Variants in LRBA observed in about 807,000 individuals in gnomAD.
LRBA encodes lipopolysaccharide-responsive and beige-like anchor protein.
In LRBA, 176 loss-of-function variants were observed where a neutral mutation model predicts 330.0. The observed-to-expected ratio is 0.53, with a 90% CI of 0.47 to 0.60. The LOEUF is 0.60. LRBA is among the 20% of genes least tolerant of loss of function. LRBA has a pLI of 0.00. For missense variants in LRBA, 3,259 were observed against 3,444.8 expected (o/e 0.95, Z 1.35); for synonymous variants, 1,230 against 1,193.0 (o/e 1.03, Z -0.64).
intron 48 of LRBA, among the ~76,000 whole-genome samples, chr4:150,341,087 G>C (rs889948149): frequency 4.6e-5 from 7 of 152,144 alleles, no homozygotes; most frequent in Non-Finnish European, 2.9e-5. Context: ...TAGTCCAGTG[G>C]GGAGAGTATG....
chr4:150,979,911 C>G (rs1740645384), intron 2 of LRBA, among the ~76,000 whole-genome samples: 1 of 152,102 alleles, frequency 6.6e-6, no homozygotes, highest in Non-Finnish European at 1.5e-5. Flanking sequence ...GAACTAATAC[C>G]AATCCTACTC....
chr4:150,685,420 A>ATTTTTT (rs70941424), intron 36 of LRBA, among the ~76,000 whole-genome samples: 6 of 17,440 alleles, frequency 3.4e-4, no homozygotes, highest in East Asian at 3.4e-3. Context: ...ATATATATAT[A>ATTTTTT]TTTTTTTTTT....
intron 32 of LRBA, among the ~76,000 whole-genome samples, 154 bp downstream of exon 32, chr4:150,808,166 G>C (rs1047080709): frequency 6.6e-6 from 1 of 152,048 alleles, no homozygotes; most frequent in Non-Finnish European, 1.5e-5. Flanking sequence ...AAAAGAAAAT[G>C]AACTTCTAAA....
intron 17 of LRBA, among the ~76,000 whole-genome samples, chr4:150,887,475 G>A (rs984200175): frequency 3.9e-5 from 6 of 151,958 alleles, no homozygotes; most frequent in Admixed American, 1.3e-4. Context: ...AGAACCGGCC[G>A]GGAGCAGTGG....
chr4:150,442,353 A>G (rs1196927160), intron 44 of LRBA, among the ~76,000 whole-genome samples: 2 of 152,208 alleles, frequency 1.3e-5, no homozygotes, highest in Non-Finnish European at 2.9e-5. Flanking sequence ...ATGCTTAAGC[A>G]TAGTATTTTA....
chr4:150,878,298 C>G (rs1754288989), intron 17 of LRBA, among the ~76,000 whole-genome samples: 1 of 151,916 alleles, frequency 6.6e-6, no homozygotes, highest in Admixed American at 6.6e-5. Flanking sequence ...GAGACTGAGC[C>G]ACTGCACTCC....
At chr4:150,514,792 T>C (rs1186752604) in intron 40 of LRBA, among the ~76,000 whole-genome samples, 1 of 152,198 alleles carries the variant, frequency 6.6e-6, no homozygotes, top group African/African-American at 2.4e-5. Context: ...CCAACTCTCT[T>C]CCATTTCTTC....
chr4:150,439,558 C>G (rs939508165), intron 44 of LRBA, among the ~76,000 whole-genome samples: 1 of 152,048 alleles, frequency 6.6e-6, no homozygotes, highest in African/African-American at 2.4e-5. Flanking sequence ...TATCAGCTTA[C>G]TCAGAGAAGT....
intron 36 of LRBA, among the ~76,000 whole-genome samples, chr4:150,711,189 A>G (rs977305547): frequency 1.3e-5 from 2 of 152,062 alleles, no homozygotes; most frequent in African/African-American, 2.4e-5. Flanking sequence ...GGTTTCAGGT[A>G]TAACATAGGA....
intron 37 of LRBA, among the ~76,000 whole-genome samples, chr4:150,637,561 T>C (rs752052077): frequency 4.7e-4 from 71 of 152,188 alleles, no homozygotes; most frequent in Non-Finnish European, 1.3e-4. Flanking sequence ...ATGACTGTGA[T>C]GTCCATTTTG....
At chr4:150,450,273 G>T (rs1448566750) in intron 44 of LRBA, among the ~76,000 whole-genome samples, 1 of 152,048 alleles carries the variant, frequency 6.6e-6, no homozygotes, top group Admixed American at 6.6e-5. Flanking sequence ...AGTTTCCTAG[G>T]GCTCCTATAA....
At position 150,274,049 on chromosome 4, in the gene LRBA, A is replaced by G. The variant is rs561774787; in HGVS notation, c.8468+3804T>C. Among the ~76,000 whole-genome samples the G allele has an allele frequency of 4.1e-3, 625 of 152,336 alleles. 7 individuals are homozygous for G. Among genetic ancestry groups the G allele is most frequent in the Non-Finnish European group, 3.5e-3 (239 of 68,040 alleles). On this transcript the variant is annotated intron_variant, in intron 56 of 56. Coordinates refer to ENST00000651943, the MANE Select transcript of LRBA (RefSeq NM_001364905.1). Reference sequence around the variant, plus strand: ...CTGCACTTATTCTAAAATTGACCACATAATTGAAAGTAAAACACTCCTCAG... The same window carrying G: ...CTGCACTTATTCTAAAATTGACCACGTAATTGAAAGTAAAACACTCCTCAG...
chr4:150,946,432 A>G (rs1201209), intron 2 of LRBA, among the ~76,000 whole-genome samples: 10,722 of 152,226 alleles, frequency 0.07, 561 homozygotes, highest in South Asian at 0.26. Flanking sequence ...TCTGACCACA[A>G]TGAAATCAAA....
intron 36 of LRBA, among the ~76,000 whole-genome samples, chr4:150,696,190 C>T (rs1784604427): frequency 6.6e-6 from 1 of 152,168 alleles, no homozygotes; most frequent in Non-Finnish European, 1.5e-5. Context: ...AATCAGGCCA[C>T]TGCATTCCTG....
Position 150,831,960 on chromosome 4 carries a change from G to A in LRBA, c.4586C>T (p.Ala1529Val). 6.6e-7 allele frequency: 1 copy of A among 1,520,536 alleles called. No homozygotes were observed. Among genetic ancestry groups the A allele is most frequent in the Non-Finnish European group, 8.9e-7 (1 of 1,127,338 alleles). The allele number at this position is 1,520,536 out of a possible 1,614,324, so 94.2% of individuals were successfully genotyped here. A position where few individuals can be genotyped will look rare whatever the true frequency, so the allele number is the denominator to read the frequency against. The change falls in exon 29 of 57, where the codon GCT (alanine) becomes GTT (valine). Residue 1529 changes from alanine (A) to valine (V), a missense_variant. Ala to Val is a moderately conservative substitution (Grantham distance 64). Transcript: ENST00000651943. ...VFRDIEDSKQ[A>V]QFLALAVVYF... ...TACTACTGCCAAGGCTAAAAATTGA[G>A]CTTGTTTGCTATCCTCCTGGGAAAA... is the stretch of plus-strand genomic sequence containing the variant.
At chr4:150,894,852 G>A (rs1003296565) in intron 16 of LRBA, among the ~76,000 whole-genome samples, 1 of 152,058 alleles carries the variant, frequency 6.6e-6, no homozygotes, top group Non-Finnish European at 1.5e-5. Flanking sequence ...AAATTCACCT[G>A]AAAACTTCAA....
At chr4:150,375,078 G>C (rs1741047558) in intron 47 of LRBA, among the ~76,000 whole-genome samples, 1 of 19,734 alleles carries the variant, frequency 5.1e-5, no homozygotes, top group African/African-American at 1.2e-4. Flanking sequence ...AAGCCTGTAA[G>C]AGTAAGGGGG....
At chr4:150,408,103 A>G (rs538124477) in intron 47 of LRBA, among the ~76,000 whole-genome samples, 2 of 152,120 alleles carry the variant, frequency 1.3e-5, no homozygotes, top group Non-Finnish European at 2.9e-5. Flanking sequence ...AACCAGTGAA[A>G]CAAAAAGTTG....
At chr4:150,727,848 A>G (rs553923527) in intron 36 of LRBA, among the ~76,000 whole-genome samples, 2 of 152,302 alleles carry the variant, frequency 1.3e-5, no homozygotes, top group South Asian at 4.1e-4. Flanking sequence ...TTAGTAGAAG[A>G]AAAGAAATAC....
Sources: allele counts gnomAD v4.1 joint callset (sites outside exome capture counted in the v4.1 genomes callset), GRCh38; gene constraint gnomAD v4.1.1; transcripts MANE v1.5; gene names NCBI Gene and HGNC (gene_info 2026-07-23, HGNC 2026-07-21).